NCEH1: variants seen among roughly 807,000 people sequenced by gnomAD.
The protein encoded by NCEH1 is 2-acetyl MAGE hydrolase.
A neutral mutation model predicts 25.4 loss-of-function variants in NCEH1; 9 were observed. The ratio of observed to expected loss-of-function variants is 0.35; its 90% CI spans 0.21 to 0.62. NCEH1 has a LOEUF of 0.62. Among genes scored for constraint, NCEH1 ranks in the 20% least tolerant of loss-of-function variants. NCEH1 has a pLI of 0.72. For missense variants in NCEH1, 412 were observed against 501.1 expected (o/e 0.82, Z 1.70); for synonymous variants, 200 against 199.8 (o/e 1.00, Z -0.01).
At chr3:172,695,691 C>G (rs1039006764) in intron 1 of NCEH1, among the ~76,000 whole-genome samples, 9 of 152,132 alleles carry the variant, frequency 5.9e-5, no homozygotes, top group African/African-American at 2.2e-4. Context: ...CGTCTGTAGT[C>G]CCAGCACTTT....
In NCEH1 at chr3:172,631,596, T is replaced by C. The variant is rs531341405; in HGVS notation, c.*1879A>G. ...AAAGACGAGGCCCAGAGATGGGAAG[T>C]GGCTTGCCTAAGTACATTAGCAAGT... On this transcript the variant is annotated 3_prime_UTR_variant, in exon 5 of 5. Transcript: ENST00000475381. 6.5e-6 allele frequency: 1 copy of C among 152,792 alleles called. No homozygotes were observed. Among genetic ancestry groups the C allele is most frequent in the South Asian group, 2.1e-4 (1 of 4,830 alleles). 9.5% of individuals were successfully genotyped at this position (152,792 alleles called of 1,614,324 possible).
intron 1 of NCEH1, among the ~76,000 whole-genome samples, chr3:172,669,840 A>T (rs1262355714): frequency 1.3e-5 from 2 of 152,216 alleles, no homozygotes; most frequent in African/African-American, 4.8e-5. Flanking sequence ...TCCAGCTCAT[A>T]TCATTTTCAA....
intron 1 of NCEH1, among the ~76,000 whole-genome samples, chr3:172,651,862 A>C (rs969817499): frequency 1.3e-5 from 2 of 152,170 alleles, no homozygotes; most frequent in Admixed American, 6.5e-5. Context: ...CCCGGCCGAG[A>C]ATCTTTTAAA....
At chr3:172,709,354 A>G (rs769883961) in intron 1 of NCEH1, among the ~76,000 whole-genome samples, 3 of 152,246 alleles carry the variant, frequency 2.0e-5, no homozygotes, top group Non-Finnish European at 4.4e-5. Flanking sequence ...CCAGGTAAAC[A>G]TCACTGTTCC....
intron 1 of NCEH1, among the ~76,000 whole-genome samples, chr3:172,670,424 T>C (rs1252552258): frequency 2.0e-5 from 3 of 152,206 alleles, no homozygotes; most frequent in South Asian, 2.1e-4. Context: ...CACAGAACCA[T>C]TGAATGTTGG....
chr3:172,697,004 C>A (rs1177541779), intron 1 of NCEH1, among the ~76,000 whole-genome samples: 3 of 152,138 alleles, frequency 2.0e-5, no homozygotes. Flanking sequence ...TGGCTCACTG[C>A]AACCTCTGCC....
intron 1 of NCEH1, among the ~76,000 whole-genome samples, chr3:172,664,495 G>C (rs1201421702): frequency 6.6e-6 from 1 of 152,142 alleles, no homozygotes; most frequent in Non-Finnish European, 1.5e-5. Flanking sequence ...TCCTGAATTT[G>C]AATGTTGGCC....
intron 4 of NCEH1, 77 bp from the exon 5 acceptor site, chr3:172,634,169 T>TCTA: frequency 1.5e-6 from 2 of 1,340,254 alleles, no homozygotes; most frequent in Non-Finnish European, 2.1e-6. Flanking sequence ...TAGAGTAGCT[T>TCTA]CATGTGTTAC....
intron 1 of NCEH1, among the ~76,000 whole-genome samples, chr3:172,662,697 AGT>A (rs1399235484): frequency 6.6e-6 from 1 of 151,910 alleles, no homozygotes; most frequent in Non-Finnish European, 1.5e-5. Flanking sequence ...GTCTTGGGAG[AGT>A]GTATGTGTCC....
rs373507616 is a variant in NCEH1, at chr3:172,647,950, G to T, written c.303C>A (p.Pro101=). 1.5e-5 allele frequency: 25 copies of T among 1,613,994 alleles called. No homozygotes were observed. In the South Asian group the frequency reaches 2.5e-4, roughly 16 times the overall value. ...EVRVFEGPPK[P]EEPLKRSVVY... ...CGACGCTGCGTTTCAGTGGCTCTTC[G>T]GGCTTCGGAGGGCCTTCAAACACTC... Residue 101 remains proline (P), a synonymous_variant, in exon 2 of 5, where the codon CCC becomes CCA. Coordinates refer to ENST00000475381, the MANE Select transcript of NCEH1 (RefSeq NM_020792.6).
intron 1 of NCEH1, among the ~76,000 whole-genome samples, chr3:172,691,400 C>T (rs1432043974): frequency 7.6e-5 from 1 of 13,084 alleles, no homozygotes; most frequent in Admixed American, 9.9e-4. Context: ...TAGCATACAC[C>T]TCTTACATAA....
chr3:172,644,606 A>G (rs1038276767), intron 3 of NCEH1, among the ~76,000 whole-genome samples: 1 of 152,222 alleles, frequency 6.6e-6, no homozygotes, highest in Non-Finnish European at 1.5e-5. Flanking sequence ...CCTTATGCAC[A>G]TCACTTAGCT....
chr3:172,670,528 C>T (rs1338359789), intron 1 of NCEH1, among the ~76,000 whole-genome samples: 1 of 152,214 alleles, frequency 6.6e-6, no homozygotes, highest in Non-Finnish European at 1.5e-5. Context: ...CAAAGCTACA[C>T]ATGTAGAGTC....
At chr3:172,710,718 C>T (rs7629698) in intron 1 of NCEH1, 129 bp downstream of exon 1, 828,376 of 1,037,018 alleles carry the variant, frequency 0.8, 333,116 homozygotes, top group East Asian at 1. Context: ...TGGACCACCT[C>T]AAAAAGCGAC....
At chr3:172,705,198 A>G (rs1713908020) in intron 1 of NCEH1, among the ~76,000 whole-genome samples, 1 of 152,210 alleles carries the variant, frequency 6.6e-6, no homozygotes, top group Non-Finnish European at 1.5e-5. Context: ...GGAGGGTGGC[A>G]TAGTTTCACT....
chr3:172,657,068 C>G (rs750220867), intron 1 of NCEH1, among the ~76,000 whole-genome samples: 3 of 152,130 alleles, frequency 2.0e-5, no homozygotes, highest in African/African-American at 7.2e-5. Flanking sequence ...TTCTTACACT[C>G]CTGACCACTG....
chr3:172,634,683 C>T (rs1352023526), intron 4 of NCEH1, among the ~76,000 whole-genome samples: 1 of 152,034 alleles, frequency 6.6e-6, no homozygotes, highest in Non-Finnish European at 1.5e-5. Flanking sequence ...TGAATGAATC[C>T]CCTACCTCAA....
In NCEH1 at chr3:172,633,502, G is replaced by A. The variant is rs559718627; in HGVS notation, c.1200C>T (p.Tyr400=). 15 of 1,614,036 alleles carry A rather than the reference G, an allele frequency of 9.3e-6. No homozygotes were observed. The African/African-American group carries it at 1.7e-4, about 19-fold the overall frequency. ...FSVGIRTRNS[Y]IKWLDQNL ...ACAGGTTTTGATCTAGCCACTTGAT[G>A]TAACTATTCCTAGTCCGGATTCCCA... Residue 400 remains tyrosine, a synonymous_variant, in exon 5 of 5, where the codon TAC becomes TAT. Coordinates refer to ENST00000475381, the MANE Select transcript of NCEH1 (RefSeq NM_020792.6).
intron 1 of NCEH1, among the ~76,000 whole-genome samples, chr3:172,669,970 A>G (rs1711520035): frequency 6.6e-6 from 1 of 152,274 alleles, no homozygotes. Flanking sequence ...AACTTTTAAG[A>G]TAAAGCTAAA....
Sources: allele counts gnomAD v4.1 joint callset (sites outside exome capture counted in the v4.1 genomes callset), GRCh38; gene constraint gnomAD v4.1.1; transcripts MANE v1.5; gene names NCBI Gene and HGNC (gene_info 2026-07-23, HGNC 2026-07-21).